Variants in ABAT observed in about 807,000 individuals in gnomAD.
ABAT encodes the protein 4-aminobutyrate aminotransferase, also known as 4-aminobutyrate aminotransferase, mitochondrial.
Under a neutral mutation model 64.6 loss-of-function variants are expected in ABAT, and 45 were observed. That is an observed-to-expected ratio of 0.70 (90% CI 0.55 to 0.89). ABAT has a LOEUF of 0.89. Ranked by LOEUF, ABAT falls within the 40% of genes least tolerant of loss-of-function variation. The pLI, the probability that ABAT is intolerant of heterozygous loss-of-function variation, is 0.00. For missense variants in ABAT, 633 were observed against 658.4 expected (o/e 0.96, Z 0.42); for synonymous variants, 297 against 250.5 (o/e 1.19, Z -1.75).
chr16:8,774,994 G>A lies in ABAT; in HGVS notation c.1059G>A (p.Met353Ile). 6.2e-7 allele frequency: 1 copy of A among 1,614,242 alleles called. No individual in the cohort carries two copies. The highest frequency in any genetic ancestry group is 8.5e-7 in the Non-Finnish European group (1 of 1,180,048). Residue 353 changes from methionine (M) to isoleucine (I), a missense_variant, in exon 13 of 16, where the codon ATG becomes ATA. Transcript: ENST00000268251. Reference sequence around the variant, plus strand: ...GCCTGGATGACCCAGCAGACGTGATGACCTTCAGCAAGAAGATGATGACTG... The same window carrying A: ...GCCTGGATGACCCAGCAGACGTGATAACCTTCAGCAAGAAGATGATGACTG... ...HWGLDDPADV[M>I]TFSKKMMTGG...
At chr16:8,777,453 G>T (rs536749713) in intron 14 of ABAT, among the ~76,000 whole-genome samples, 1 of 152,340 alleles carries the variant, frequency 6.6e-6, no homozygotes, top group East Asian at 1.9e-4. Flanking sequence ...GAAGGAAAAA[G>T]AAGGGAAGGA....
chr16:8,760,910 C>T lies in ABAT; in HGVS notation c.366+3104C>T, dbSNP rs186357474. ...GCAACATATCGAGACCCTGTCTCTACGATAACTGTTTTTAAAAAATTAGCC... is the reference window on the plus strand; with the variant it reads ...GCAACATATCGAGACCCTGTCTCTATGATAACTGTTTTTAAAAAATTAGCC... On this transcript the variant is annotated intron_variant, in intron 6 of 15. Transcript: ENST00000268251. Among the ~76,000 whole-genome samples, 11 of 152,000 alleles carry T rather than the reference C, an allele frequency of 7.2e-5. No individual in the cohort carries two copies. In the East Asian group the frequency reaches 7.8e-4, roughly 11 times the overall value.
chr16:8,750,943 CTTTTTTTTTTT>C (rs71301327), intron 5 of ABAT, among the ~76,000 whole-genome samples: 1 of 109,742 alleles, frequency 9.1e-6, no homozygotes, highest in African/African-American at 3.6e-5. Context: ...TTTTTCCCTG[CTTTTTTTTTTT>C]TTTTTTTTTT....
Position 8,733,559 on chromosome 16 carries a change from C to G in ABAT, c.-41-2140C>G, listed in dbSNP as rs550136673. 1.4e-3 allele frequency among the ~76,000 whole-genome samples: 213 copies of G among 152,018 alleles called. 7 individuals are homozygous for G. The highest frequency in any genetic ancestry group is 0.01 in the South Asian group (49 of 4,830). ...TGGGCACCATTGAGCACTGAGTGAACGAGACTCCGTCTGTAATCCCGGCAC... is the reference window on the plus strand; with the variant it reads ...TGGGCACCATTGAGCACTGAGTGAAGGAGACTCCGTCTGTAATCCCGGCAC... On this transcript the variant is annotated intron_variant, in intron 1 of 15. Coordinates refer to ENST00000268251, the MANE Select transcript of ABAT (RefSeq NM_020686.6).
chr16:8,688,379 C>G (rs1273351), intron 1 of ABAT, among the ~76,000 whole-genome samples: 13,262 of 152,264 alleles, frequency 0.087, 712 homozygotes, highest in Middle Eastern at 0.16. Flanking sequence ...AAACCTAAGT[C>G]TCCAAACATG....
intron 1 of ABAT, among the ~76,000 whole-genome samples, chr16:8,700,456 C>G (rs1351743627): frequency 6.6e-6 from 1 of 152,152 alleles, no homozygotes; most frequent in African/African-American, 2.4e-5. Context: ...AGAAAGTTCC[C>G]TCATACCCCA....
intron 1 of ABAT, among the ~76,000 whole-genome samples, chr16:8,686,345 A>G (rs1458502247): frequency 6.6e-6 from 1 of 152,262 alleles, no homozygotes; most frequent in Non-Finnish European, 1.5e-5. Context: ...GGCTCAAAAA[A>G]GAGCCACACA....
At chr16:8,678,560 A>G (rs184382692) in intron 1 of ABAT, among the ~76,000 whole-genome samples, 8 of 152,374 alleles carry the variant, frequency 5.3e-5, no homozygotes, top group Admixed American at 2.0e-4. Flanking sequence ...TTTGAGAAAC[A>G]ACTGAGTTCT....
chr16:8,677,224 C>T (rs145950899), intron 1 of ABAT, among the ~76,000 whole-genome samples: 1 of 152,328 alleles, frequency 6.6e-6, no homozygotes, highest in East Asian at 1.9e-4. Context: ...ACAATGATTA[C>T]AAGTGCAAAG....
intron 1 of ABAT, chr16:8,714,745 C>A (rs1384371870): frequency 6.6e-6 from 1 of 152,486 alleles, no homozygotes; most frequent in Non-Finnish European, 1.5e-5. Context: ...TCTAAGTGAA[C>A]CCTGACTCTG....
intron 2 of ABAT, among the ~76,000 whole-genome samples, chr16:8,739,706 T>A (rs1473723895): frequency 6.6e-6 from 1 of 151,902 alleles, no homozygotes; most frequent in African/African-American, 2.4e-5. Context: ...AGGTGGGAAG[T>A]GTCCTAACTC....
rs552040405 is a variant in ABAT, at chr16:8,725,934, C to A, written c.-41-9765C>A. Among the ~76,000 whole-genome samples the A allele has an allele frequency of 2.0e-5, 3 of 152,106 alleles. No homozygotes were observed. In the East Asian group the frequency reaches 5.8e-4, roughly 29 times the overall value. ...TCCAACACACCTGCCTCGAGAACCCCCTCCCCAGCTCAGTGACCCCAGCAT... is the reference window on the plus strand; with the variant it reads ...TCCAACACACCTGCCTCGAGAACCCACTCCCCAGCTCAGTGACCCCAGCAT... On this transcript the variant is annotated intron_variant, in intron 1 of 15. Coordinates refer to ENST00000268251, the MANE Select transcript of ABAT (RefSeq NM_020686.6).
In ABAT at chr16:8,748,143, TG is replaced by T; in HGVS notation, c.198+7del. 6.2e-7 allele frequency: 1 copy of T among 1,613,142 alleles called. No homozygotes were observed. Among genetic ancestry groups the T allele is most frequent in the South Asian group, 1.1e-5 (1 of 91,058 alleles). On this transcript the variant is annotated splice_region_variant and intron_variant, in intron 4 of 15. Transcript: ENST00000268251. The stretch of plus-strand genomic sequence containing the variant: ...AACAGCTGAATATAATTCAGGTAAG[TG>T]AGGAGGAGGTAACTTTCCTTCTGTT...
At chr16:8,768,126 C>G in intron 9 of ABAT, 67 bp from the exon 10 acceptor site, 3 of 1,512,844 alleles carry the variant, frequency 2.0e-6, no homozygotes, top group East Asian at 4.5e-5. Flanking sequence ...TCTGGACTTG[C>G]AGGGGCAACA....
chr16:8,681,458 C>CT (rs34327953), intron 1 of ABAT, among the ~76,000 whole-genome samples: 3,784 of 133,682 alleles, frequency 0.028, 140 homozygotes, highest in African/African-American at 0.069. Context: ...AGCCTCTACA[C>CT]TTTTTTTTTT....
intron 3 of ABAT, among the ~76,000 whole-genome samples, chr16:8,746,869 TAGACAGCTCTGTTGAGC>T (rs980260979): frequency 1.2e-4 from 18 of 152,160 alleles, no homozygotes; most frequent in Admixed American, 2.0e-4. Flanking sequence ...GGGAGTTGGG[TAGACAGCTCTGTTGAGC>T]AGACAGCTCT....
intron 1 of ABAT, among the ~76,000 whole-genome samples, chr16:8,699,553 G>A (rs1012540092): frequency 3.3e-5 from 5 of 151,390 alleles, no homozygotes; most frequent in African/African-American, 9.7e-5. Context: ...CTGAGACTCC[G>A]TCTCAAAAAC....
chr16:8,765,437 G>A (rs1464037671), intron 8 of ABAT, among the ~76,000 whole-genome samples: 1 of 152,020 alleles, frequency 6.6e-6, no homozygotes, highest in Non-Finnish European at 1.5e-5. Context: ...GCTGAGGCAG[G>A]CAGATCACTT....
At chr16:8,696,784 A>G (rs1299548361) in intron 1 of ABAT, among the ~76,000 whole-genome samples, 1 of 152,112 alleles carries the variant, frequency 6.6e-6, no homozygotes, top group Non-Finnish European at 1.5e-5. Context: ...CAGATTGGAG[A>G]AGCCTGGTCT....
Sources: gnomAD v4.1 joint callset for allele counts (sites outside exome capture counted in the v4.1 genomes callset) on GRCh38, gnomAD v4.1.1 for gene constraint, MANE v1.5 for transcripts, NCBI Gene and HGNC (gene_info 2026-07-23, HGNC 2026-07-21) for gene names.